Variants in PDE10A observed in about 807,000 individuals in gnomAD.
The protein encoded by PDE10A is phosphodiesterase 10A.
A neutral mutation model predicts 97.7 loss-of-function variants in PDE10A; 39 were observed. The ratio of observed to expected loss-of-function variants is 0.40; its 90% CI spans 0.31 to 0.52. The LOEUF is 0.52. PDE10A is among the 20% of genes least tolerant of loss of function. PDE10A has a pLI of 0.56. For missense variants in PDE10A, 731 were observed against 1,047.8 expected (o/e 0.70, Z 4.17); for synonymous variants, 371 against 376.8 (o/e 0.98, Z 0.18).
intron 1 of PDE10A, among the ~76,000 whole-genome samples, chr6:165,823,524 A>ATG (rs1554327854): frequency 0.024 from 1,883 of 79,368 alleles, 198 homozygotes; most frequent in Non-Finnish European, 0.035. Flanking sequence ...ATATATATAT[A>ATG]TGAACCTTAA....
At chr6:165,858,124 G>A (rs1006017235) in intron 1 of PDE10A, among the ~76,000 whole-genome samples, 1 of 152,114 alleles carries the variant, frequency 6.6e-6, no homozygotes, top group Admixed American at 6.5e-5. Context: ...TGCTTAGTAG[G>A]TGCTATTAAT....
chr6:165,396,409 T>C lies in PDE10A; in HGVS notation c.2127A>G (p.Glu709=). The C allele has an allele frequency of 6.2e-7, 1 of 1,613,338 alleles. No individual in the cohort carries two copies. The highest frequency in any genetic ancestry group is 8.5e-7 in the Non-Finnish European group (1 of 1,179,502). The change falls in exon 14 of 22, where the codon GAA becomes GAG. Residue 709 remains glutamate, a synonymous_variant. Coordinates refer to ENST00000539869, the MANE Select transcript of PDE10A (RefSeq NM_001385079.1). ...TACAAATGCTATGGTAGGACAGCTT[T>C]TCCATCGTTACCCGGTAAATGCACT... ...HSECIYRVTM[E]KLSYHSICTS...
At chr6:165,617,702 G>A (rs1398801468) in intron 1 of PDE10A, among the ~76,000 whole-genome samples, 3 of 152,098 alleles carry the variant, frequency 2.0e-5, no homozygotes, top group Non-Finnish European at 4.4e-5. Context: ...GAAAGTCCCA[G>A]TTGGTCAGTC....
At chr6:165,894,101 G>T (rs1453645745) in intron 1 of PDE10A, 1 of 356,540 alleles carries the variant, frequency 2.8e-6, no homozygotes, top group Non-Finnish European at 5.5e-6. Flanking sequence ...GATGACTAAA[G>T]TTTCAAAAGA....
intron 1 of PDE10A, among the ~76,000 whole-genome samples, chr6:165,851,633 TC>T (rs1286543732): frequency 6.6e-6 from 1 of 152,180 alleles, no homozygotes; most frequent in East Asian, 1.9e-4. Flanking sequence ...GAAAGCTTCA[TC>T]ATGCAGGAAG....
chr6:165,844,243 A>G (rs578218971), intron 1 of PDE10A, among the ~76,000 whole-genome samples: 10 of 152,294 alleles, frequency 6.6e-5, no homozygotes, highest in Admixed American at 2.6e-4. Flanking sequence ...CATTCTCATC[A>G]AGGTCACTAT....
At chr6:165,937,569 G>A (rs190153663) in intron 1 of PDE10A, among the ~76,000 whole-genome samples, 28 of 152,260 alleles carry the variant, frequency 1.8e-4, no homozygotes, top group Non-Finnish European at 4.1e-4. Flanking sequence ...TGGAAGAGTT[G>A]GTACATGTCT....
At chr6:165,740,624 C>T (rs1448211329) in intron 1 of PDE10A, among the ~76,000 whole-genome samples, 1 of 152,168 alleles carries the variant, frequency 6.6e-6, no homozygotes, top group Non-Finnish European at 1.5e-5. Context: ...TGAGCCACCA[C>T]TCCTGGCCTG....
chr6:165,381,306 T>C (rs1784907556), intron 17 of PDE10A, among the ~76,000 whole-genome samples: 1 of 152,208 alleles, frequency 6.6e-6, no homozygotes, highest in African/African-American at 2.4e-5. Context: ...TTTTAAAGAA[T>C]GTATATATTC....
intron 1 of PDE10A, among the ~76,000 whole-genome samples, chr6:165,789,995 G>A (rs1043891956): frequency 1.3e-5 from 2 of 152,150 alleles, no homozygotes; most frequent in African/African-American, 4.8e-5. Context: ...TTGGGGAACT[G>A]TCAATTTTCA....
At chr6:165,510,525 T>C (rs1435026969) in intron 2 of PDE10A, among the ~76,000 whole-genome samples, 1 of 151,972 alleles carries the variant, frequency 6.6e-6, no homozygotes, top group Non-Finnish European at 1.5e-5. Flanking sequence ...CTGGCTTAGG[T>C]ATGAGGGTAA....
At chr6:165,736,261 C>A (rs2128452275) in intron 1 of PDE10A, among the ~76,000 whole-genome samples, 1 of 152,200 alleles carries the variant, frequency 6.6e-6, no homozygotes, top group Non-Finnish European at 1.5e-5. Context: ...AGTCTCTAGT[C>A]CCCTCATAGA....
At chr6:165,419,087 G>C (rs897605915) in intron 10 of PDE10A, among the ~76,000 whole-genome samples, 4 of 152,150 alleles carry the variant, frequency 2.6e-5, no homozygotes, top group Non-Finnish European at 4.4e-5. Context: ...TAGTTGGTAA[G>C]CAGCTGCTGG....
intron 1 of PDE10A, among the ~76,000 whole-genome samples, chr6:165,605,286 C>T (rs909939521): frequency 6.6e-6 from 1 of 152,078 alleles, no homozygotes; most frequent in African/African-American, 2.4e-5. Context: ...CAAAAAAAAC[C>T]AACAAGTCAC....
chr6:165,344,704 G>C (rs754885442), intron 18 of PDE10A, among the ~76,000 whole-genome samples: 7 of 152,124 alleles, frequency 4.6e-5, no homozygotes, highest in Admixed American at 3.9e-4. Flanking sequence ...TGATACCATC[G>C]ATCACAGAGT....
chr6:165,787,877 A>G lies in PDE10A; in HGVS notation c.-615+199652T>C, dbSNP rs534259895. On this transcript the variant is annotated intron_variant, in intron 1 of 19. Transcript: ENST00000366882. The stretch of plus-strand genomic sequence containing the variant: ...AATCAGTTTTCTGATCTGAAACCAT[A>G]GGAATAAATATTTTAAAAGCTCTTT... 5.3e-5 allele frequency among the ~76,000 whole-genome samples: 8 copies of G among 152,352 alleles called. No homozygotes were observed. The South Asian group carries it at 1.7e-3, about 32-fold the overall frequency.
chr6:165,648,169 C>T (rs375911171), intron 1 of PDE10A, among the ~76,000 whole-genome samples: 1,602 of 152,202 alleles, frequency 0.011, 12 homozygotes, highest in Non-Finnish European at 0.015. Context: ...CCCACCACCA[C>T]GCCCAGCTAA....
intron 1 of PDE10A, among the ~76,000 whole-genome samples, chr6:165,926,443 G>C (rs1009319490): frequency 6.6e-6 from 1 of 152,168 alleles, no homozygotes; most frequent in Non-Finnish European, 1.5e-5. Flanking sequence ...AATTCTCAGA[G>C]GCAAAAGTTC....
chr6:165,549,307 A>G (rs1489363508), intron 1 of PDE10A, among the ~76,000 whole-genome samples: 1 of 152,156 alleles, frequency 6.6e-6, no homozygotes, highest in Non-Finnish European at 1.5e-5. Context: ...ACAAATATAT[A>G]AGTTATTACG....
Sources: allele counts gnomAD v4.1 joint callset (sites outside exome capture counted in the v4.1 genomes callset), GRCh38; gene constraint gnomAD v4.1.1; transcripts MANE v1.5; gene names NCBI Gene and HGNC (gene_info 2026-07-23, HGNC 2026-07-21).